MFNG: variants seen among roughly 807,000 people sequenced by gnomAD.
MFNG encodes the protein beta-1,3-N-acetylglucosaminyltransferase manic fringe.
MFNG carries 24 observed loss-of-function variants against 34.2 expected under a neutral mutation model. The ratio of observed to expected loss-of-function variants is 0.70; its 90% confidence interval spans 0.51 to 0.99. MFNG has a LOEUF of 0.99. Ranked by LOEUF, MFNG falls within the 50% of genes least tolerant of loss-of-function variation. The pLI is 0.00. For synonymous variants in MFNG, 158 were observed against 179.2 expected (o/e 0.88, Z 0.94); for missense variants, 383 against 424.0 (o/e 0.90, Z 0.85).
At chr22:37,477,633 A>C (rs1378796265) in intron 4 of MFNG, among the ~76,000 whole-genome samples, 2 of 152,086 alleles carry the variant, frequency 1.3e-5, no homozygotes, top group South Asian at 2.1e-4. Context: ...TTTTTAGTAG[A>C]GACAGGGTTT....
chr22:37,469,408 G>T lies in MFNG; in HGVS notation c.*555C>A, dbSNP rs1349621738. ...ATGCTGAGGCTCCAAACAAAATCTG[G>T]TCCTGTTCGCAAGGGGTGGGGAGCA... is the stretch of plus-strand genomic sequence containing the variant. On this transcript the variant is annotated 3_prime_UTR_variant, in exon 8 of 8. Transcript: ENST00000356998. The T allele has an allele frequency of 1.5e-5, 3 of 202,922 alleles. No individual in the cohort carries two copies. In the East Asian group the frequency reaches 4.0e-4, roughly 27 times the overall value. 12.6% of individuals were successfully genotyped at this position (202,922 alleles called of 1,614,324 possible).
intron 1 of MFNG, among the ~76,000 whole-genome samples, chr22:37,481,551 C>CGACAAAGACAAGCCAGGCTGGG (rs1233973565): frequency 2.6e-5 from 4 of 152,204 alleles, no homozygotes; most frequent in African/African-American, 7.2e-5. Flanking sequence ...TACATGGATG[C>CGACAAAGACAAGCCAGGCTGGG]GACAAAGACA....
rs1304467039 is a variant in MFNG at position 37,469,567 on chromosome 22, G to A, written c.*396C>T. ...CAGGAGTGGGCGGCCCAGCGCTTGA[G>A]CCCCAGGGGAATGACTGAGAGACAT... On this transcript the variant is annotated 3_prime_UTR_variant, in exon 8 of 8. Coordinates refer to ENST00000356998, the MANE Select transcript of MFNG (RefSeq NM_002405.4). 5 of 350,540 alleles carry A rather than the reference G, an allele frequency of 1.4e-5. No individual in the cohort carries two copies. The highest frequency in any genetic ancestry group is 2.2e-5 in the Non-Finnish European group (4 of 178,044). The allele number at this position is 350,540 out of a possible 1,614,324, so 21.7% of individuals were successfully genotyped here.
intron 7 of MFNG, among the ~76,000 whole-genome samples, chr22:37,470,268 AATCAAAAATGTCTCCGAC>A (rs1307649810): frequency 1.3e-5 from 2 of 152,186 alleles, no homozygotes; most frequent in Non-Finnish European, 2.9e-5. Context: ...GAATCATAAG[AATCAAAAATGTCTCCGAC>A]ATTGCCAGAC....
Position 37,482,547 on chromosome 22 carries a change from C to T in MFNG, c.256-1778G>A, listed in dbSNP as rs1339508545. Among the ~76,000 whole-genome samples, 1 of 152,170 alleles carries T rather than the reference C, an allele frequency of 6.6e-6. No homozygotes were observed. The highest frequency in any genetic ancestry group is 2.4e-5 in the African/African-American group (1 of 41,430). On this transcript the variant is annotated intron_variant, in intron 1 of 7. Transcript: ENST00000356998. This position sits in a 1 kb window ranked among gnomAD's most constrained non-coding sequence, Gnocchi z 4.1. ...TCTTTCCACCCTCTAGCTCCCAGCTCAGGCATCACCTTCCCCAGGAAGCCT... is the reference window on the plus strand; with the variant it reads ...TCTTTCCACCCTCTAGCTCCCAGCTTAGGCATCACCTTCCCCAGGAAGCCT...
In MFNG at chr22:37,469,746, C is replaced by G; in HGVS notation, c.*217G>C. ...CCCCTGGAGCCTCTCTGGCCACCAC[C>G]TGGTCCACCTGGTCCCCTGGGCTGT... is the stretch of plus-strand genomic sequence containing the variant. On this transcript the variant is annotated 3_prime_UTR_variant, in exon 8 of 8. Coordinates refer to ENST00000356998, the MANE Select transcript of MFNG (RefSeq NM_002405.4). 1.5e-6 allele frequency: 1 copy of G among 673,828 alleles called. No homozygotes were observed. Among genetic ancestry groups the G allele is most frequent in the Non-Finnish European group, 2.8e-6 (1 of 358,930 alleles). The allele number at this position is 673,828 out of a possible 1,614,324, so 41.7% of individuals were successfully genotyped here.
intron 7 of MFNG, 64 bp from the exon 8 acceptor site, chr22:37,470,093 T>A (rs1921741689): frequency 4.7e-6 from 6 of 1,288,650 alleles, no homozygotes; most frequent in Non-Finnish European, 1.1e-6. Context: ...CCCACTCTCC[T>A]AGGTGCACAC....
chr22:37,484,408 G>C (rs778049156), intron 1 of MFNG: 1 of 130,696 alleles, frequency 7.7e-6, no homozygotes. Context: ...GAGAGACGTG[G>C]GGTAGCGACT....
At position 37,480,194 on chromosome 22, in the gene MFNG, C is replaced by G; in HGVS notation, c.407+3G>C. On this transcript the variant is annotated splice_donor_region_variant and intron_variant, in intron 3 of 7. Transcript: ENST00000356998. ...TTATCCCCAGAGACCCAGGAACACT[C>G]GCCTAAGCCCACTGGCCAAGAAGGT... 1 of 1,603,232 alleles carries G rather than the reference C, an allele frequency of 6.2e-7. No individual in the cohort carries two copies. Among genetic ancestry groups the G allele is most frequent in the Non-Finnish European group, 8.5e-7 (1 of 1,171,414 alleles).
At chr22:37,475,114 CAA>C (rs1286360690) in intron 5 of MFNG, among the ~76,000 whole-genome samples, 1 of 152,148 alleles carries the variant, frequency 6.6e-6, no homozygotes, top group East Asian at 1.9e-4. Flanking sequence ...GCAGGTCTTT[CAA>C]AGAGTGGTGC....
rs142031748 is a variant in MFNG, at chr22:37,482,460, TACACACAC to T, written c.256-1699_256-1692del. The stretch of plus-strand genomic sequence containing the variant: ...ACACACACGCACACACACGCACGCA[TACACACAC>T]ACACACACACACGCACGTGCGCACG... On this transcript the variant is annotated intron_variant, in intron 1 of 7. Coordinates refer to ENST00000356998, the MANE Select transcript of MFNG (RefSeq NM_002405.4). This position sits in a 1 kb window ranked among gnomAD's most constrained non-coding sequence, Gnocchi z 4.1. 3.4e-5 allele frequency among the ~76,000 whole-genome samples: 5 copies of T among 148,530 alleles called. No homozygotes were observed. The highest frequency in any genetic ancestry group is 2.0e-4 in the East Asian group (1 of 5,074).
intron 3 of MFNG, 102 bp from the exon 4 acceptor site, chr22:37,479,600 G>T (rs1922199606): frequency 7.0e-7 from 1 of 1,433,780 alleles, no homozygotes; most frequent in Non-Finnish European, 9.6e-7. Context: ...TGGGGGTAGG[G>T]GTGGGAGAGG....
At position 37,474,627 on chromosome 22, in the gene MFNG, C is replaced by T. The variant is rs1235711425; in HGVS notation, c.698G>A (p.Cys233Tyr). ...TSALIRLPDD[C>Y]TMGYIIECKL... ...GCACTCAATGATATAGCCCATGGTG[C>T]AGTCATCAGGCAGCCGGATGAGAGC... Residue 233 changes from cysteine (C) to tyrosine (Y), a missense_variant, in exon 6 of 8, where the codon TGC (cysteine) becomes TAC (tyrosine). Cys to Tyr is a radical substitution (Grantham distance 194, BLOSUM62 -2). Coordinates refer to ENST00000356998, the MANE Select transcript of MFNG (RefSeq NM_002405.4). 1.2e-6 allele frequency: 2 copies of T among 1,613,746 alleles called. No homozygotes were observed. Among genetic ancestry groups the T allele is most frequent in the East Asian group, 2.2e-5 (1 of 44,874 alleles).
rs1922073842 is a variant in MFNG, at chr22:37,477,002, G to C, written c.562-21C>G. 3 of 1,609,334 alleles carry C rather than the reference G, an allele frequency of 1.9e-6. No homozygotes were observed. In the South Asian group the frequency reaches 3.3e-5, roughly 18 times the overall value. ...AGCCTCTGAGAGAGAGGAAGGCCAAGGGGCAGAGTGAGCCTGGTGGCAGTT... is the reference window on the plus strand; with the variant it reads ...AGCCTCTGAGAGAGAGGAAGGCCAACGGGCAGAGTGAGCCTGGTGGCAGTT... On this transcript the variant is annotated intron_variant, in intron 4 of 7. Coordinates refer to ENST00000356998, the MANE Select transcript of MFNG (RefSeq NM_002405.4).
rs536566152 is a variant in MFNG, at chr22:37,484,718, C to T, written c.255+1205G>A. On this transcript the variant is annotated intron_variant, in intron 1 of 7. Transcript: ENST00000356998. Reference sequence around the variant, plus strand: ...GGAGGGCCCGCCTTGGCTGCTTCCGCAGGAAGAACCAGGATCTCCCCAAGA... The same window carrying T: ...GGAGGGCCCGCCTTGGCTGCTTCCGTAGGAAGAACCAGGATCTCCCCAAGA... The T allele has an allele frequency of 2.0e-5, 3 of 152,476 alleles. No homozygotes were observed. In the East Asian group the frequency reaches 5.8e-4, roughly 29 times the overall value. The allele number at this position is 152,476 out of a possible 1,614,324, so 9.4% of individuals were successfully genotyped here. A position where few individuals can be genotyped will look rare whatever the true frequency, so the allele number is the denominator to read the frequency against.
rs1306135776 is a variant in MFNG, at chr22:37,469,787, G to A, written c.*176C>T. On this transcript the variant is annotated 3_prime_UTR_variant, in exon 8 of 8. Coordinates refer to ENST00000356998, the MANE Select transcript of MFNG (RefSeq NM_002405.4). ...CCTGGGCTGTCTAACTCACCTCCCA[G>A]GGGCCTGGGGTGCCTTCAGTGCCAA... 1 of 707,048 alleles carries A rather than the reference G, an allele frequency of 1.4e-6. No individual in the cohort carries two copies. The highest frequency in any genetic ancestry group is 1.5e-5 in the South Asian group (1 of 66,654). 43.8% of individuals were successfully genotyped at this position (707,048 alleles called of 1,614,324 possible).
Position 37,485,687 on chromosome 22 carries a change from G to C in MFNG, c.255+236C>G, listed in dbSNP as rs77468282. ...CAGGGGCCCAGCCTGGCCCCCAAAAGTGGTGGAGCGGTAGGACCTGGGTGC... is the reference window on the plus strand; with the variant it reads ...CAGGGGCCCAGCCTGGCCCCCAAAACTGGTGGAGCGGTAGGACCTGGGTGC... On this transcript the variant is annotated intron_variant, in intron 1 of 7. Coordinates refer to ENST00000356998, the MANE Select transcript of MFNG (RefSeq NM_002405.4). This position sits in a 1 kb window ranked among gnomAD's most constrained non-coding sequence, Gnocchi z 5.3. Among the ~76,000 whole-genome samples, 6,919 of 152,274 alleles carry C rather than the reference G, an allele frequency of 0.045. 548 individuals carry two copies. Among genetic ancestry groups the C allele is most frequent in the African/African-American group, 0.16 (6,615 of 41,540 alleles).
chr22:37,474,339 C>T (rs1921942100), intron 6 of MFNG, among the ~76,000 whole-genome samples, 173 bp downstream of exon 6: 1 of 152,192 alleles, frequency 6.6e-6, no homozygotes, highest in Non-Finnish European at 1.5e-5. Flanking sequence ...CCTGTGTACC[C>T]TTAGGGTGTC....
At chr22:37,484,323 C>G (rs747342460) in intron 1 of MFNG, 1 of 143,922 alleles carries the variant, frequency 6.9e-6, no homozygotes. Context: ...ACTCCTGCCC[C>G]GTGCAGATGG....
Sources: allele counts gnomAD v4.1 joint callset (sites outside exome capture counted in the v4.1 genomes callset), GRCh38; gene constraint gnomAD v4.1.1; non-coding constraint Gnocchi (gnomAD v3.1); transcripts MANE v1.5; gene names NCBI Gene and HGNC (gene_info 2026-07-23, HGNC 2026-07-21).